The following CD163L1 variants were observed in gnomAD, a reference collection of about 807,000 sequenced individuals.
CD163L1 encodes the protein CD163 molecule like 1.
A neutral mutation model predicts 165.4 loss-of-function variants in CD163L1; 124 were observed. The observed-to-expected ratio is 0.75, with a 90% CI of 0.65 to 0.87. The LOEUF (loss-of-function observed/expected upper bound fraction) is 0.87, where lower values mean the gene tolerates loss of function less well. Among genes scored for constraint, CD163L1 ranks in the 40% least tolerant of loss-of-function variants. The pLI is 0.00. For missense variants in CD163L1, 1,525 were observed against 1,799.9 expected, an observed-to-expected ratio of 0.85 and a Z score of 2.76; for synonymous variants, 585 against 662.2, an observed-to-expected ratio of 0.88 and a Z score of 1.79.
rs145333220 is a variant in CD163L1 at position 7,414,266 on chromosome 12, T to C, written c.767-7414A>G. Among the ~76,000 whole-genome samples the C allele has an allele frequency of 4.0e-3, 606 of 151,948 alleles. 1 individual carries two copies. The highest frequency in any genetic ancestry group is 6.8e-3 in the Middle Eastern group (2 of 294). On this transcript the variant is annotated intron_variant, in intron 4 of 19. Coordinates refer to ENST00000313599, the MANE Select transcript of CD163L1 (RefSeq NM_174941.6). ...CAAAATGAGAAGTTCAGTAAAGAGA[T>C]AGAAACAATTGAAAACAATGAAACA...
intron 8 of CD163L1, among the ~76,000 whole-genome samples, chr12:7,382,332 A>G (rs1947428894): frequency 6.6e-6 from 1 of 152,086 alleles, no homozygotes; most frequent in South Asian, 2.1e-4. Context: ...GACGGCTACT[A>G]GAGGCACCCA....
In CD163L1 at chr12:7,357,383, G is replaced by A. The variant is rs766666519; in HGVS notation, c.*21C>T. Reference sequence around the variant, plus strand: ...GGAACAATACTTCTCAACTTACCTGGTGAGCCCTGGAAGTCTAAAGTCATT... The same window carrying A: ...GGAACAATACTTCTCAACTTACCTGATGAGCCCTGGAAGTCTAAAGTCATT... On this transcript the variant is annotated 3_prime_UTR_variant, in exon 19 of 20. Transcript: ENST00000313599. 6.2e-7 allele frequency: 1 copy of A among 1,603,876 alleles called. No homozygotes were observed. Among genetic ancestry groups the A allele is most frequent in the Non-Finnish European group, 8.5e-7 (1 of 1,171,158 alleles).
In CD163L1 at chr12:7,374,757, C is replaced by T; in HGVS notation, c.3095-1G>A. On this transcript the variant is annotated splice_acceptor_variant, in intron 12 of 19. Transcript: ENST00000313599. LOFTEE classifies it high-confidence loss of function. The surrounding 1 kb of genome is among the most constrained non-coding windows in gnomAD (Gnocchi z 5.4). ...TCCACTAGGCGGAGCCGTTTGTCCT[C>T]TTAGAGGAGAAAGTCCAGTTAATAG... 6.2e-7 allele frequency: 1 copy of T among 1,613,684 alleles called. No individual in the cohort carries two copies.
At chr12:7,386,473 G>A (rs1947518360) in intron 8 of CD163L1, among the ~76,000 whole-genome samples, 1 of 151,630 alleles carries the variant, frequency 6.6e-6, no homozygotes, top group Non-Finnish European at 1.5e-5. Context: ...ATCCTAGGAG[G>A]CCAGTATTAC....
At chr12:7,338,251 C>T in the CD163L1 span, among the ~76,000 whole-genome samples, 2 of 152,246 alleles carry the variant, frequency 1.3e-5, no homozygotes, top group Admixed American at 6.5e-5. Flanking sequence ...CACCATGGCA[C>T]ATGTATACCT....
At chr12:7,399,770 A>G (rs1947880333) in intron 6 of CD163L1, among the ~76,000 whole-genome samples, 1 of 151,732 alleles carries the variant, frequency 6.6e-6, no homozygotes, top group Non-Finnish European at 1.5e-5. Flanking sequence ...ACAGCCAGCT[A>G]TTTTTTGTAT....
At chr12:7,348,675 T>C (rs1946687075) in intron 4 of CD163L1, among the ~76,000 whole-genome samples, 1 of 152,206 alleles carries the variant, frequency 6.6e-6, no homozygotes, top group Non-Finnish European at 1.5e-5. Context: ...CACAGAGTTA[T>C]TGGGCTTTCA....
intron 19 of CD163L1, among the ~76,000 whole-genome samples, chr12:7,355,547 C>T (rs1260947745): frequency 6.6e-6 from 1 of 152,058 alleles, no homozygotes; most frequent in African/African-American, 2.4e-5. Flanking sequence ...TTAGACAGAA[C>T]AAAAGTAGGT....
At chr12:7,341,305 T>C in the CD163L1 span, among the ~76,000 whole-genome samples, 1 of 152,234 alleles carries the variant, frequency 6.6e-6, no homozygotes, top group Non-Finnish European at 1.5e-5. Context: ...CATTCATTTA[T>C]GGACAATCTA....
chr12:7,401,790 A>T lies in CD163L1; in HGVS notation c.1408+1745T>A, dbSNP rs75196032. Reference sequence around the variant, plus strand: ...ATCACAAAAGATTTGAATGAATGGTAGCGTTGCATGTGGATTTAAAAAATT... The same window carrying T: ...ATCACAAAAGATTTGAATGAATGGTTGCGTTGCATGTGGATTTAAAAAATT... On this transcript the variant is annotated intron_variant, in intron 6 of 19. Coordinates refer to ENST00000313599, the MANE Select transcript of CD163L1 (RefSeq NM_174941.6). Among the ~76,000 whole-genome samples the T allele has an allele frequency of 5.0e-3, 756 of 152,210 alleles. 3 individuals are homozygous for T. The highest frequency in any genetic ancestry group is 8.2e-3 in the Non-Finnish European group (560 of 67,972).
intron 4 of CD163L1, among the ~76,000 whole-genome samples, chr12:7,415,594 AGGCCCT>A (rs975808075): frequency 1.1e-3 from 166 of 151,980 alleles, no homozygotes; most frequent in Non-Finnish European, 1.7e-3. Flanking sequence ...AACCCCCAAC[AGGCCCT>A]GGTGTGTGAT....
At chr12:7,439,618 C>T (rs1411024929) in intron 2 of CD163L1, 28 of 1,607,956 alleles carry the variant, frequency 1.7e-5, no homozygotes, top group Non-Finnish European at 2.2e-5. Flanking sequence ...TAAGGATAGT[C>T]TCTGAATATC....
chr12:7,414,184 T>G (rs1948193129), intron 4 of CD163L1, among the ~76,000 whole-genome samples: 1 of 151,776 alleles, frequency 6.6e-6, no homozygotes, highest in Non-Finnish European at 1.5e-5. Flanking sequence ...AGAAACTCAA[T>G]GGACTAAAGA....
At position 7,403,240 on chromosome 12, in the gene CD163L1, G is replaced by T. The variant is rs762563019; in HGVS notation, c.1408+295C>A. On this transcript the variant is annotated intron_variant, in intron 6 of 19. Transcript: ENST00000313599. Reference sequence around the variant, plus strand: ...CAGCAGAAAAGCTGTTAAGAAAACTGTAAATTAGTACAACTCATTAGTTTT... The same window carrying T: ...CAGCAGAAAAGCTGTTAAGAAAACTTTAAATTAGTACAACTCATTAGTTTT... Among the ~76,000 whole-genome samples, 23 of 152,282 alleles carry T rather than the reference G, an allele frequency of 1.5e-4. 1 individual carries two copies. The South Asian group carries it at 4.8e-3, about 32-fold the overall frequency.
At position 7,375,544 on chromosome 12, in the gene CD163L1, A is replaced by T. The variant is rs1289098356; in HGVS notation, c.2738T>A (p.Val913Glu). 1 of 1,613,652 alleles carries T rather than the reference A, an allele frequency of 6.2e-7. No individual in the cohort carries two copies. Among genetic ancestry groups the T allele is most frequent in the Non-Finnish European group, 8.5e-7 (1 of 1,180,020 alleles). The part of the protein sequence containing the change: ...VNGKSQCDGQ[V>E]EINVLGHWGS... ...CCAGTGTCCAAGCACGTTGATCTCC[A>T]CTTGCCCGTCACACTGGGATTTGCC... The change falls in exon 11 of 20, where the codon GTG (valine) becomes GAG (glutamate). Residue 913 changes from valine (V) to glutamate (E), a missense_variant. Transcript: ENST00000313599.
chr12:7,394,524 T>C (rs1295809021), intron 8 of CD163L1, among the ~76,000 whole-genome samples: 3 of 152,182 alleles, frequency 2.0e-5, no homozygotes, highest in Non-Finnish European at 2.9e-5. Context: ...ATTCAGGACA[T>C]AAGCATGGGC....
Position 7,369,534 on chromosome 12 carries a change from C to T in CD163L1, c.3862G>A (p.Gly1288Ser). 6.2e-7 allele frequency: 1 copy of T among 1,614,182 alleles called. No individual in the cohort carries two copies. The highest frequency in any genetic ancestry group is 1.7e-5 in the Admixed American group (1 of 60,024). The part of the protein sequence containing the change: ...AEAEVVCQQL[G>S]CGSALAALRD... ...AGGGCAGCCAGAGCAGAGCCACAGCCCAGCTGCTGACACACCACTTCCGCC... is the reference window on the plus strand; with the variant it reads ...AGGGCAGCCAGAGCAGAGCCACAGCTCAGCTGCTGACACACCACTTCCGCC... The change falls in exon 15 of 20, where the codon GGC becomes AGC. Residue 1288 changes from glycine to serine, a missense_variant. Transcript: ENST00000313599. This position sits in a 1 kb window ranked among gnomAD's most constrained non-coding sequence, Gnocchi z 4.9.
downstream of CD163L1, among the ~76,000 whole-genome samples, chr12:7,342,666 C>T (rs1946645203): frequency 1.3e-5 from 2 of 152,184 alleles, no homozygotes; most frequent in South Asian, 2.1e-4. Flanking sequence ...GAGCATGACA[C>T]TTACCCAAGG....
chr12:7,430,918 A>G (rs1026170826), intron 4 of CD163L1, among the ~76,000 whole-genome samples: 6 of 152,078 alleles, frequency 3.9e-5, no homozygotes, highest in African/African-American at 1.4e-4. Context: ...CTCGTAGATA[A>G]TAAGAAATTT....
Sources: allele counts gnomAD v4.1 joint callset (sites outside exome capture counted in the v4.1 genomes callset), GRCh38; gene constraint gnomAD v4.1.1; non-coding constraint Gnocchi (gnomAD v3.1); transcripts MANE v1.5; gene names NCBI Gene and HGNC (gene_info 2026-07-23, HGNC 2026-07-21).